ZNF438: variants seen among roughly 807,000 people sequenced by gnomAD.
The protein encoded by ZNF438 is zinc finger protein 438.
Under a neutral mutation model 38.0 loss-of-function variants are expected in ZNF438, and 25 were observed. That is an observed-to-expected ratio of 0.66 (90% confidence interval 0.48 to 0.92). The LOEUF is 0.92. Ranked by LOEUF, ZNF438 falls within the 40% of genes least tolerant of loss-of-function variation. ZNF438 has a pLI of 0.00. For synonymous variants in ZNF438, 372 were observed against 364.1 expected, an observed-to-expected ratio of 1.02 and a Z score of -0.25; for missense variants, 1,007 against 999.6, an observed-to-expected ratio of 1.01 and a Z score of -0.10.
chr10:30,868,913 T>C (rs1445767598), intron 4 of ZNF438, among the ~76,000 whole-genome samples: 1 of 152,246 alleles, frequency 6.6e-6, no homozygotes, highest in Non-Finnish European at 1.5e-5. Flanking sequence ...ATGTTAATGA[T>C]ATAAAGGCAG....
At chr10:31,030,691 A>C (rs931906483) in intron 1 of ZNF438, among the ~76,000 whole-genome samples, 1 of 152,234 alleles carries the variant, frequency 6.6e-6, no homozygotes. Flanking sequence ...TCCTGAAATG[A>C]ATTTACAGAA....
chr10:30,940,921 C>CTA (rs139692208), intron 2 of ZNF438, among the ~76,000 whole-genome samples: 32 of 151,348 alleles, frequency 2.1e-4, no homozygotes, highest in East Asian at 9.7e-4. Flanking sequence ...CCTTAAAAAA[C>CTA]TATATATATA....
chr10:30,999,802 G>A (rs950050421), intron 1 of ZNF438, among the ~76,000 whole-genome samples: 1 of 152,154 alleles, frequency 6.6e-6, no homozygotes, highest in African/African-American at 2.4e-5. Context: ...AAAAGGGGGG[G>A]TTTCCAAAGA....
intron 4 of ZNF438, chr10:30,857,639 G>A (rs1272270770): frequency 7.0e-7 from 1 of 1,423,646 alleles, no homozygotes; most frequent in Non-Finnish European, 9.6e-7. Context: ...ATAGTCATTT[G>A]AAAGCAAAAG....
rs534724737 is a variant in ZNF438, at chr10:30,983,721, AT to A, written c.-191-42071del. Among the ~76,000 whole-genome samples, 383 of 152,094 alleles carry A rather than the reference AT, an allele frequency of 2.5e-3. 3 individuals carry two copies. Among genetic ancestry groups the A allele is most frequent in the Non-Finnish European group, 2.9e-3 (198 of 67,956 alleles). On this transcript the variant is annotated intron_variant, in intron 1 of 5. Transcript: ENST00000413025. ...TTATGTAATCTGGATTTTTCAAATT[AT>A]TTTTTTTATTTTTTTAAACCATGGT...
intron 1 of ZNF438, among the ~76,000 whole-genome samples, chr10:30,977,301 C>G (rs1191870017): frequency 1.3e-5 from 2 of 152,156 alleles, no homozygotes; most frequent in East Asian, 3.8e-4. Context: ...AGCGTATAAA[C>G]TTTCTGCCAT....
At chr10:30,861,160 C>A (rs2035519131) in intron 4 of ZNF438, among the ~76,000 whole-genome samples, 1 of 152,138 alleles carries the variant, frequency 6.6e-6, no homozygotes. Flanking sequence ...ATGCTCAAAA[C>A]CCTGATGTAA....
intron 1 of ZNF438, among the ~76,000 whole-genome samples, chr10:31,002,633 T>C (rs2054769008): frequency 6.6e-6 from 1 of 152,186 alleles, no homozygotes; most frequent in African/African-American, 2.4e-5. Context: ...TACAGGCCAT[T>C]ATCCTCCCTC....
At chr10:30,949,999 TA>T (rs2047968879) in intron 1 of ZNF438, among the ~76,000 whole-genome samples, 1 of 152,162 alleles carries the variant, frequency 6.6e-6, no homozygotes, top group Non-Finnish European at 1.5e-5. Flanking sequence ...TACTTGGTAG[TA>T]AAGCTCTCCT....
intron 1 of ZNF438, among the ~76,000 whole-genome samples, chr10:31,029,568 C>G (rs193155705): frequency 1.3e-5 from 2 of 152,178 alleles, no homozygotes; most frequent in Non-Finnish European, 2.9e-5. Flanking sequence ...CACAACTAAC[C>G]TCCCCCAGCC....
chr10:30,870,782 A>G (rs2037282816), intron 4 of ZNF438, among the ~76,000 whole-genome samples: 1 of 152,226 alleles, frequency 6.6e-6, no homozygotes. Flanking sequence ...TTGCTAATTC[A>G]GTGTTCCTAA....
intron 2 of ZNF438, among the ~76,000 whole-genome samples, chr10:30,941,169 T>C (rs1018020974): frequency 6.6e-6 from 1 of 152,140 alleles, no homozygotes; most frequent in Non-Finnish European, 1.5e-5. Context: ...CCTCCAGGGT[T>C]GAAGCAACTC....
chr10:30,930,803 C>CAAAAA lies in ZNF438; in HGVS notation c.-115+10767_-115+10771dup, dbSNP rs71527620. Among the ~76,000 whole-genome samples, 105 of 38,436 alleles carry CAAAAA rather than the reference C, an allele frequency of 2.7e-3. 2 individuals carry two copies. Among genetic ancestry groups the CAAAAA allele is most frequent in the East Asian group, 6.8e-3 (4 of 590 alleles). 25.2% of individuals were successfully genotyped at this position (38,436 alleles called of 152,430 possible). ...GCCTGGCGACAGAGAGAAACTCAGT[C>CAAAAA]AAAAAAAAAAAAAAAAAAAAAAAAA... On this transcript the variant is annotated intron_variant, in intron 2 of 5. Coordinates refer to ENST00000413025, the Ensembl canonical transcript of ZNF438.
chr10:30,927,470 C>G (rs1416062035), intron 2 of ZNF438, among the ~76,000 whole-genome samples: 8 of 152,228 alleles, frequency 5.3e-5, no homozygotes, highest in African/African-American at 1.9e-4. Flanking sequence ...TCCTCCCAGA[C>G]AGCAGGATCA....
intron 3 of ZNF438, among the ~76,000 whole-genome samples, chr10:30,889,974 T>G (rs752749292): frequency 6.6e-6 from 1 of 151,290 alleles, no homozygotes; most frequent in South Asian, 2.1e-4. Flanking sequence ...TACTACATGC[T>G]GAAAATACTT....
At chr10:30,978,137 C>T (rs1160654449) in intron 1 of ZNF438, among the ~76,000 whole-genome samples, 2 of 152,302 alleles carry the variant, frequency 1.3e-5, no homozygotes, top group East Asian at 3.9e-4. Context: ...TTTTATCTGG[C>T]TGCTTCTTAG....
chr10:30,943,226 T>C (rs4749642), intron 1 of ZNF438, among the ~76,000 whole-genome samples: 63,552 of 151,830 alleles, frequency 0.42, 13,412 homozygotes, highest in Admixed American at 0.45. Flanking sequence ...CAGTTAGTCA[T>C]GTTAAAGAGA....
intron 1 of ZNF438, among the ~76,000 whole-genome samples, chr10:30,988,719 T>C (rs2053131766): frequency 6.6e-6 from 1 of 152,070 alleles, no homozygotes; most frequent in Admixed American, 6.5e-5. Context: ...GACTATTTTA[T>C]AGGTTCGCCA....
chr10:30,871,648 G>C (rs1022140157), intron 4 of ZNF438, among the ~76,000 whole-genome samples: 3 of 152,184 alleles, frequency 2.0e-5, no homozygotes, highest in East Asian at 1.9e-4. Flanking sequence ...TCTGTAAGCT[G>C]TAAGTATACA....
Sources: allele counts gnomAD v4.1 joint callset (sites outside exome capture counted in the v4.1 genomes callset), GRCh38; gene constraint gnomAD v4.1.1; transcripts MANE v1.5; gene names NCBI Gene and HGNC (gene_info 2026-07-23, HGNC 2026-07-21).